The following ZBTB16 variants were observed in gnomAD, a reference collection of about 807,000 sequenced individuals.
ZBTB16 encodes the protein zinc finger and BTB domain containing 16, also known as zinc finger and BTB domain-containing protein 16.
Under a neutral mutation model 56.8 loss-of-function variants are expected in ZBTB16, and 8 were observed. The ratio of observed to expected loss-of-function variants is 0.14; its 90% confidence interval spans 0.08 to 0.25. The LOEUF is 0.25. ZBTB16 is among the 10% of genes least tolerant of loss of function. The pLI, the probability that ZBTB16 is intolerant of heterozygous loss-of-function variation, is 1.00. For missense variants in ZBTB16, 625 were observed against 903.0 expected, an observed-to-expected ratio of 0.69 and a Z score of 3.95; for synonymous variants, 363 against 368.5, an observed-to-expected ratio of 0.98 and a Z score of 0.17.
chr11:114,250,661 C>G lies in ZBTB16; in HGVS notation c.*106C>G, dbSNP rs11214915. 3.5e-3 allele frequency: 4,307 copies of G among 1,238,868 alleles called. 69 individuals are homozygous for G. The African/African-American group carries it at 0.035, about 10-fold the overall frequency. 76.7% of individuals were successfully genotyped at this position (1,238,868 alleles called of 1,614,324 possible). A position where few individuals can be genotyped will look rare whatever the true frequency, so the allele number is the denominator to read the frequency against. On this transcript the variant is annotated 3_prime_UTR_variant, in exon 7 of 7. Coordinates refer to ENST00000335953, the MANE Select transcript of ZBTB16 (RefSeq NM_006006.6). This position sits in a 1 kb window ranked among gnomAD's most constrained non-coding sequence, Gnocchi z 6.0. ...TAAAAAAGGAAAAGAAAAAAAAAAA[C>G]AGAAGGAAAAGGAAACCTGGTAGCT...
intron 2 of ZBTB16, among the ~76,000 whole-genome samples, chr11:114,124,557 C>CAAAAAAAAAAAAAAAAAAAAAAAAAACA (rs1381254014): frequency 1.7e-4 from 7 of 40,894 alleles, no homozygotes; most frequent in East Asian, 1.4e-3. Context: ...AAAAAAAAAC[C>CAAAAAAAAAAAAAAAAAAAAAAAAAACA]AAAAAAAAAA....
chr11:114,098,189 A>G (rs1484344283), intron 2 of ZBTB16, among the ~76,000 whole-genome samples: 1 of 152,188 alleles, frequency 6.6e-6, no homozygotes, highest in Non-Finnish European at 1.5e-5. Flanking sequence ...ATCTATGCCC[A>G]AATAAGTCAG....
chr11:114,193,697 T>C (rs1031787547), intron 4 of ZBTB16, among the ~76,000 whole-genome samples: 1 of 151,890 alleles, frequency 6.6e-6, no homozygotes, highest in African/African-American at 2.4e-5. Context: ...TCACTAAAGC[T>C]ATTGGAGTGG....
At position 114,233,077 on chromosome 11, in the gene ZBTB16, G is replaced by A. The variant is rs71486255; in HGVS notation, c.1454-9090G>A. On this transcript the variant is annotated intron_variant, in intron 4 of 6. Transcript: ENST00000335953. Reference sequence around the variant, plus strand: ...ACTGCACATACGCATGCGCGCGCGCGCGCGCACACACACACACACACACAC... The same window carrying A: ...ACTGCACATACGCATGCGCGCGCGCACGCGCACACACACACACACACACAC... Among the ~76,000 whole-genome samples, 40 of 35,764 alleles carry A rather than the reference G, an allele frequency of 1.1e-3. 1 individual carries two copies. Among genetic ancestry groups the A allele is most frequent in the South Asian group, 5.0e-3 (3 of 606 alleles). 23.5% of individuals were successfully genotyped at this position (35,764 alleles called of 152,430 possible). A position where few individuals can be genotyped will look rare whatever the true frequency, so the allele number is the denominator to read the frequency against.
chr11:114,145,642 G>A (rs1387843443), intron 2 of ZBTB16, among the ~76,000 whole-genome samples: 1 of 152,180 alleles, frequency 6.6e-6, no homozygotes, highest in African/African-American at 2.4e-5. Context: ...GGGGGTTGAG[G>A]GGAGGAATGG....
chr11:114,181,849 G>C (rs942781922), intron 3 of ZBTB16, among the ~76,000 whole-genome samples: 1 of 152,028 alleles, frequency 6.6e-6, no homozygotes, highest in Non-Finnish European at 1.5e-5. Context: ...ACTTCCCCCA[G>C]CCCCGCATCT....
rs138383517 is a variant in ZBTB16 at position 114,110,513 on chromosome 11, A to G, written c.1269-45824A>G. Among the ~76,000 whole-genome samples the G allele has an allele frequency of 2.2e-3, 328 of 152,340 alleles. 1 individual carries two copies. The highest frequency in any genetic ancestry group is 7.5e-3 in the African/African-American group (313 of 41,570). ...CAAGGCTGCTATGTTGGTTTCACTGATGCAGATTTAAAGAAGGAGGGCCAG... is the reference window on the plus strand; with the variant it reads ...CAAGGCTGCTATGTTGGTTTCACTGGTGCAGATTTAAAGAAGGAGGGCCAG... On this transcript the variant is annotated intron_variant, in intron 2 of 6. Coordinates refer to ENST00000335953, the MANE Select transcript of ZBTB16 (RefSeq NM_006006.6).
chr11:114,155,012 G>A (rs1440542669), intron 2 of ZBTB16, among the ~76,000 whole-genome samples: 2 of 151,158 alleles, frequency 1.3e-5, no homozygotes, highest in South Asian at 2.1e-4. Flanking sequence ...TGGGTGGCTC[G>A]GTTTTGCTAC....
At chr11:114,105,015 C>T (rs571835090) in intron 2 of ZBTB16, among the ~76,000 whole-genome samples, 17 of 152,282 alleles carry the variant, frequency 1.1e-4, no homozygotes, top group Middle Eastern at 3.4e-3. Flanking sequence ...CTTAACCCCT[C>T]GCCACCCACT....
chr11:114,197,936 T>A (rs1305719091), intron 4 of ZBTB16, among the ~76,000 whole-genome samples: 1 of 151,586 alleles, frequency 6.6e-6, no homozygotes, highest in Non-Finnish European at 1.5e-5. Context: ...GTTCCTGCTC[T>A]CAAGAACAGC....
At chr11:114,229,014 G>T (rs541674761) in intron 4 of ZBTB16, among the ~76,000 whole-genome samples, 44 of 152,254 alleles carry the variant, frequency 2.9e-4, no homozygotes, top group Non-Finnish European at 5.4e-4. Flanking sequence ...GAGTCGGGGT[G>T]AGTAAGGAGT....
intron 2 of ZBTB16, among the ~76,000 whole-genome samples, chr11:114,086,248 C>T (rs541535070): frequency 8.5e-5 from 13 of 152,274 alleles, no homozygotes; most frequent in South Asian, 2.1e-4. Flanking sequence ...GGATTTGGAA[C>T]GGAAGTGCTT....
At chr11:114,227,927 G>A (rs149749950) in intron 4 of ZBTB16, among the ~76,000 whole-genome samples, 1 of 152,098 alleles carries the variant, frequency 6.6e-6, no homozygotes, top group East Asian at 1.9e-4. Flanking sequence ...AAATACATTA[G>A]CATTGTCATG....
intron 4 of ZBTB16, among the ~76,000 whole-genome samples, chr11:114,212,696 A>G (rs1944020482): frequency 6.6e-6 from 1 of 152,138 alleles, no homozygotes; most frequent in African/African-American, 2.4e-5. Flanking sequence ...GATAAATGTA[A>G]TGATACCTTT....
intron 4 of ZBTB16, among the ~76,000 whole-genome samples, chr11:114,229,842 C>T (rs1358206846): frequency 1.3e-5 from 2 of 151,982 alleles, no homozygotes; most frequent in African/African-American, 2.4e-5. Flanking sequence ...GGTATTGGGC[C>T]GGGGCAGGCA....
intron 2 of ZBTB16, among the ~76,000 whole-genome samples, chr11:114,091,943 C>T (rs1246954404): frequency 6.6e-6 from 1 of 152,190 alleles, no homozygotes; most frequent in East Asian, 1.9e-4. Context: ...CCTGTGCGCC[C>T]CTTCTCACTG....
At chr11:114,248,597 G>T (rs112104481) in intron 6 of ZBTB16, among the ~76,000 whole-genome samples, 2 of 152,198 alleles carry the variant, frequency 1.3e-5, no homozygotes, top group Non-Finnish European at 2.9e-5. Flanking sequence ...CCAGAGGAAG[G>T]GGGAGAGGTG....
intron 3 of ZBTB16, among the ~76,000 whole-genome samples, chr11:114,174,971 G>A (rs1943069763): frequency 6.6e-6 from 1 of 152,202 alleles, no homozygotes; most frequent in Non-Finnish European, 1.5e-5. Context: ...GCTGGATGTT[G>A]ACAGAACTGA....
At chr11:114,107,287 G>C (rs1940827337) in intron 2 of ZBTB16, among the ~76,000 whole-genome samples, 1 of 152,284 alleles carries the variant, frequency 6.6e-6, no homozygotes, top group South Asian at 2.1e-4. Context: ...CTTGTGTTTT[G>C]TTTCTGATGA....
Sources: allele counts gnomAD v4.1 joint callset (sites outside exome capture counted in the v4.1 genomes callset), GRCh38; gene constraint gnomAD v4.1.1; non-coding constraint Gnocchi (gnomAD v3.1); transcripts MANE v1.5; gene names NCBI Gene and HGNC (gene_info 2026-07-23, HGNC 2026-07-21).